CLEC14A: variants seen among roughly 807,000 people sequenced by gnomAD.
CLEC14A encodes the protein C-type lectin domain containing 14A.
For synonymous variants in CLEC14A, 349 were observed against 292.0 expected (o/e 1.20, Z -1.99); for missense variants, 682 against 659.9 (o/e 1.03, Z -0.37).
Position 38,255,738 on chromosome 14 carries a change from T to C in CLEC14A, c.285A>G (p.Ala95=). 2 of 1,553,734 alleles carry C rather than the reference T, an allele frequency of 1.3e-6. 1 individual carries two copies. Among genetic ancestry groups the C allele is most frequent in the South Asian group, 2.3e-5 (2 of 85,500 alleles). The change falls in exon 1 of 1, where the codon GCA becomes GCG. Residue 95 remains alanine, a synonymous_variant. Coordinates refer to ENST00000342213, the MANE Select transcript of CLEC14A (RefSeq NM_175060.3). The surrounding 1 kb of genome is among the most constrained non-coding windows in gnomAD (Gnocchi z 5.1). The part of the protein sequence containing the change: ...GGSKDLLFWV[A]LERRRSHCTL... ...TGCAGTGGGAACGCCTGCGCTCCAG[T>C]GCGACCCAGAACAGCAGGTCTTTGG...
rs558964656 is a variant in CLEC14A, at chr14:38,255,326, C to A, written c.697G>T (p.Ala233Ser). Residue 233 changes from alanine to serine, a missense_variant, in exon 1 of 1, where the codon GCT becomes TCT. Transcript: ENST00000342213. The surrounding 1 kb of genome is among the most constrained non-coding windows in gnomAD (Gnocchi z 5.1). The stretch of plus-strand genomic sequence containing the variant: ...TCGCCCGAGAGTTTGTCCCAGCGAG[C>A]GCCGATTTCGTCCGCGATGCAAGTA... ...SVTCIADEIG[A>S]RWDKLSGDVL... is the part of the protein sequence containing the mutation. 2.5e-6 allele frequency: 4 copies of A among 1,613,594 alleles called. No individual in the cohort carries two copies. Among genetic ancestry groups the A allele is most frequent in the East Asian group, 2.2e-5 (1 of 44,866 alleles).
rs1348541551 is a variant in CLEC14A, at chr14:38,255,458, T to G, written c.565A>C (p.Asn189His). ...CPAPRPGAAS[N>H]LSYRAPFQLH... The stretch of plus-strand genomic sequence containing the variant: ...TGGAAGGGCGCGCGATAGCTCAAGT[T>G]AGAGGCGGCCCCGGGGCGCGGCGCA... Residue 189 changes from asparagine (N) to histidine (H), a missense_variant, in exon 1 of 1, where the codon AAC becomes CAC. Physicochemically the swap from Asn to His is moderately conservative, Grantham distance 68. Transcript: ENST00000342213. The surrounding 1 kb of genome is among the most constrained non-coding windows in gnomAD (Gnocchi z 5.1). 1 of 1,612,964 alleles carries G rather than the reference T, an allele frequency of 6.2e-7. No homozygotes were observed. Among genetic ancestry groups the G allele is most frequent in the African/African-American group, 1.3e-5 (1 of 74,882 alleles).
Position 38,254,570 on chromosome 14 carries a change from G to T in CLEC14A, c.1453C>A (p.Leu485Ile). 2 of 1,593,848 alleles carry T rather than the reference G, an allele frequency of 1.3e-6. No individual in the cohort carries two copies. The highest frequency in any genetic ancestry group is 1.7e-4 in the Middle Eastern group (1 of 5,962). Residue 485 changes from leucine to isoleucine, a missense_variant, in exon 1 of 1, where the codon CTT (leucine) becomes ATT (isoleucine). Physicochemically the swap from Leu to Ile is conservative, Grantham distance 5. Transcript: ENST00000342213. ...TTTCCCTATGCATCACTAGAGCCAAGAGGGGACTCCGCCAGCAAGGCACCC... is the reference window on the plus strand; with the variant it reads ...TTTCCCTATGCATCACTAGAGCCAATAGGGGACTCCGCCAGCAAGGCACCC... ...AEGALLAESP[L>I]GSSDA
chr14:38,254,931 G>C lies in CLEC14A; in HGVS notation c.1092C>G (p.Ala364=). The part of the protein sequence containing the change: ...TMSTLQMSLQ[A]ESKATITPSG... ...ATGGGGTGATAGTGGCCTTTGACTC[G>C]GCTTGAAGGGACATTTGAAGGGTAG... Residue 364 remains alanine (A), a synonymous_variant, in exon 1 of 1, where the codon GCC becomes GCG. Coordinates refer to ENST00000342213, the MANE Select transcript of CLEC14A (RefSeq NM_175060.3). 2.5e-6 allele frequency: 4 copies of C among 1,614,164 alleles called. No individual in the cohort carries two copies. Among genetic ancestry groups the C allele is most frequent in the Non-Finnish European group, 3.4e-6 (4 of 1,180,042 alleles).
Position 38,256,073 on chromosome 14 carries a change from C to A in CLEC14A, c.-51G>T. The A allele has an allele frequency of 6.9e-7, 1 of 1,455,242 alleles. No individual in the cohort carries two copies. Among genetic ancestry groups the A allele is most frequent in the South Asian group, 1.4e-5 (1 of 69,868 alleles). The allele number at this position is 1,455,242 out of a possible 1,614,324, so 90.1% of individuals were successfully genotyped here. A position where few individuals can be genotyped will look rare whatever the true frequency, so the allele number is the denominator to read the frequency against. On this transcript the variant is annotated 5_prime_UTR_variant, in exon 1 of 1. Transcript: ENST00000342213. ...GCTCCCAACTTGGATCTGTCCCGCTCGAGGACGCAGAGCTGTGTCTGGAGC... is the reference window on the plus strand; with the variant it reads ...GCTCCCAACTTGGATCTGTCCCGCTAGAGGACGCAGAGCTGTGTCTGGAGC...
Position 38,254,446 on chromosome 14 carries a change from G to T in CLEC14A, c.*104C>A. ...GAGTAAAGGGAATTTAGAGGAAGGG[G>T]GATTTCTGCAGAAATTGTCAGTTAC... is the stretch of plus-strand genomic sequence containing the variant. On this transcript the variant is annotated 3_prime_UTR_variant, in exon 1 of 1. Coordinates refer to ENST00000342213, the MANE Select transcript of CLEC14A (RefSeq NM_175060.3). The T allele has an allele frequency of 9.0e-7, 1 of 1,111,868 alleles. No homozygotes were observed. Among genetic ancestry groups the T allele is most frequent in the Non-Finnish European group, 1.3e-6 (1 of 776,714 alleles). 68.9% of individuals were successfully genotyped at this position (1,111,868 alleles called of 1,614,324 possible).
chr14:38,254,749 A>C lies in CLEC14A; in HGVS notation c.1274T>G (p.Phe425Cys), dbSNP rs1884006232. The C allele has an allele frequency of 3.1e-6, 5 of 1,613,996 alleles. No individual in the cohort carries two copies. In the African/African-American group the frequency reaches 4.0e-5, roughly 13 times the overall value. The change falls in exon 1 of 1, where the codon TTT (phenylalanine) becomes TGT (cysteine). Residue 425 changes from phenylalanine (F) to cysteine (C), a missense_variant. Physicochemically the swap from Phe to Cys is radical, Grantham distance 205. Coordinates refer to ENST00000342213, the MANE Select transcript of CLEC14A (RefSeq NM_175060.3). ...TGGCTGGGAAGAGGGGCTTTCGTGA[A>C]AGCAGAGCTTGACAAGCCCCAGTAC... Reference protein sequence around the residue: ...MTVLGLVKLCFHESPSSQPRK... With the variant: ...MTVLGLVKLCCHESPSSQPRK...
chr14:38,255,132 C>T lies in CLEC14A; in HGVS notation c.891G>A (p.Gly297=), dbSNP rs199846060. ...VTSGEGQPTL[G]GTGVPTRRPP... is the part of the protein sequence containing the mutation. ...GGCGCCTGGTGGGCACCCCGGTCCC[C>T]CCAAGGGTCGGCTGTCCTTCCCCAC... Residue 297 remains glycine, a synonymous_variant, in exon 1 of 1, where the codon GGG becomes GGA. Coordinates refer to ENST00000342213, the MANE Select transcript of CLEC14A (RefSeq NM_175060.3). The surrounding 1 kb of genome is among the most constrained non-coding windows in gnomAD (Gnocchi z 5.1). The T allele has an allele frequency of 2.9e-5, 46 of 1,613,058 alleles. No homozygotes were observed. The Middle Eastern group carries it at 6.6e-4, about 23-fold the overall frequency.
Position 38,255,317 on chromosome 14 carries a change from C to A in CLEC14A, c.706G>T (p.Asp236Tyr), listed in dbSNP as rs376906472. 6.2e-7 allele frequency: 1 copy of A among 1,613,518 alleles called. No homozygotes were observed. Among genetic ancestry groups the A allele is most frequent in the African/African-American group, 1.3e-5 (1 of 74,932 alleles). Reference protein sequence around the residue: ...CIADEIGARWDKLSGDVLCPC... With the variant: ...CIADEIGARWYKLSGDVLCPC... The stretch of plus-strand genomic sequence containing the variant: ...CACAACACATCGCCCGAGAGTTTGT[C>A]CCAGCGAGCGCCGATTTCGTCCGCG... Residue 236 changes from aspartate to tyrosine, a missense_variant, in exon 1 of 1, where the codon GAC becomes TAC. Transcript: ENST00000342213. This position sits in a 1 kb window ranked among gnomAD's most constrained non-coding sequence, Gnocchi z 5.1.
Position 38,255,874 on chromosome 14 carries a change from G to C in CLEC14A, c.149C>G (p.Ala50Gly), listed in dbSNP as rs1406399983. 6.4e-7 allele frequency: 1 copy of C among 1,556,582 alleles called. No homozygotes were observed. Among genetic ancestry groups the C allele is most frequent in the South Asian group, 1.2e-5 (1 of 85,562 alleles). The change falls in exon 1 of 1, where the codon GCC (alanine) becomes GGC (glycine). Residue 50 changes from alanine (A) to glycine (G), a missense_variant. By Grantham distance (60) the Ala-to-Gly change is moderately conservative. Transcript: ENST00000342213. This position sits in a 1 kb window ranked among gnomAD's most constrained non-coding sequence, Gnocchi z 5.1. ...ACCTCGCAGGATGCAGGCCTCCTCG[G>C]CCGCCTGCCGCTTCATGGTAGCGTG... is the stretch of plus-strand genomic sequence containing the variant. ...LHHATMKRQA[A>G]EEACILRGGA...
At position 38,255,716 on chromosome 14, in the gene CLEC14A, A is replaced by C. The variant is rs1884041718; in HGVS notation, c.307T>G (p.Cys103Gly). 5.7e-6 allele frequency: 9 copies of C among 1,566,702 alleles called. No individual in the cohort carries two copies. The East Asian group carries it at 1.9e-4, about 33-fold the overall frequency. ...WVALERRRSHCTLENEPLRGF... is the reference protein window; with the variant it reads ...WVALERRRSHGTLENEPLRGF... Reference sequence around the variant, plus strand: ...CGCAAAGGCTCGTTCTCCAGGGTGCAGTGGGAACGCCTGCGCTCCAGTGCG... The same window carrying C: ...CGCAAAGGCTCGTTCTCCAGGGTGCCGTGGGAACGCCTGCGCTCCAGTGCG... Residue 103 changes from cysteine (C) to glycine (G), a missense_variant, in exon 1 of 1, where the codon TGC (cysteine) becomes GGC (glycine). Transcript: ENST00000342213. The surrounding 1 kb of genome is among the most constrained non-coding windows in gnomAD (Gnocchi z 5.1).
At position 38,255,098 on chromosome 14, in the gene CLEC14A, T is replaced by C. The variant is rs139405012; in HGVS notation, c.925A>G (p.Thr309Ala). 2.6e-5 allele frequency: 42 copies of C among 1,612,334 alleles called. No homozygotes were observed. The highest frequency in any genetic ancestry group is 9.4e-5 in the African/African-American group (7 of 74,862). ...CTCTGCGGCACGGGGCTGGTTGCAG[T>C]GGCCGGCGGGCGCCTGGTGGGCACC... is the stretch of plus-strand genomic sequence containing the variant. ...TGVPTRRPPA[T>A]ATSPVPQRTW... The change falls in exon 1 of 1, where the codon ACT becomes GCT. Residue 309 changes from threonine to alanine, a missense_variant. Physicochemically the swap from Thr to Ala is moderately conservative, Grantham distance 58. Transcript: ENST00000342213. The surrounding 1 kb of genome is among the most constrained non-coding windows in gnomAD (Gnocchi z 5.1).
In CLEC14A at chr14:38,255,765, GC is replaced by G; in HGVS notation, c.257del (p.Gly86AlafsTer105). 6.5e-7 allele frequency: 1 copy of G among 1,546,590 alleles called. No individual in the cohort carries two copies. ...LLRAGPGPGG[G>X]SKDLLFWVAL... ...CGACCCAGAACAGCAGGTCTTTGGA[GC>G]CCCCTCCGGGCCCTGGGCCTGCCCG... On this transcript the variant is annotated frameshift_variant, in exon 1 of 1. Coordinates refer to ENST00000342213, the MANE Select transcript of CLEC14A (RefSeq NM_175060.3). LOFTEE classifies it low-confidence loss of function (END_TRUNC). The surrounding 1 kb of genome is among the most constrained non-coding windows in gnomAD (Gnocchi z 5.1).
In CLEC14A at chr14:38,254,763, A is replaced by G. The variant is rs770417486; in HGVS notation, c.1260T>C (p.Leu420=). The G allele has an allele frequency of 4.3e-6, 7 of 1,614,060 alleles. No individual in the cohort carries two copies. The African/African-American group carries it at 8.0e-5, about 18-fold the overall frequency. ...LVILTMTVLG[L]VKLCFHESPS... The stretch of plus-strand genomic sequence containing the variant: ...GGCTTTCGTGAAAGCAGAGCTTGAC[A>G]AGCCCCAGTACTGTCATGGTCAAGA... The change falls in exon 1 of 1, where the codon CTT becomes CTC. Residue 420 remains leucine, a synonymous_variant. Transcript: ENST00000342213.
At position 38,254,664 on chromosome 14, in the gene CLEC14A, G is replaced by A. The variant is rs150923168; in HGVS notation, c.1359C>T (p.Gly453=). 1.6e-4 allele frequency: 266 copies of A among 1,614,176 alleles called. 1 individual carries two copies. The African/African-American group carries it at 1.9e-3, about 11-fold the overall frequency. The change falls in exon 1 of 1, where the codon GGC becomes GGT. Residue 453 remains glycine (G), a synonymous_variant. Transcript: ENST00000342213. ...TGTTTGTGCAATGTGCAGAACTGGA[G>A]CCCAAAGCAGCGGGCTCAGGATCAC... ...LESDPEPAAL[G]SSSAHCTNNG... is the part of the protein sequence containing the mutation.
In CLEC14A at chr14:38,254,527, G is replaced by A. The variant is rs201047214; in HGVS notation, c.*23C>T. The A allele has an allele frequency of 5.3e-6, 8 of 1,522,842 alleles. No homozygotes were observed. Among genetic ancestry groups the A allele is most frequent in the Non-Finnish European group, 7.0e-6 (8 of 1,135,446 alleles). 94.3% of individuals were successfully genotyped at this position (1,522,842 alleles called of 1,614,324 possible). On this transcript the variant is annotated 3_prime_UTR_variant, in exon 1 of 1. Coordinates refer to ENST00000342213, the MANE Select transcript of CLEC14A (RefSeq NM_175060.3). ...ATCAAAAGTGAAAAACTGTTCACAG[G>A]AGTGCCCATGTCCCCTGTTTCCCTA...
At position 38,255,466 on chromosome 14, in the gene CLEC14A, G is replaced by T; in HGVS notation, c.557C>A (p.Ala186Asp). 6.2e-7 allele frequency: 1 copy of T among 1,613,124 alleles called. No individual in the cohort carries two copies. Among genetic ancestry groups the T allele is most frequent in the South Asian group, 1.1e-5 (1 of 91,074 alleles). ...EVLCPAPRPGAASNLSYRAPF... is the reference protein window; with the variant it reads ...EVLCPAPRPGDASNLSYRAPF... ...CGCGCGATAGCTCAAGTTAGAGGCG[G>T]CCCCGGGGCGCGGCGCAGGACACAA... Residue 186 changes from alanine to aspartate, a missense_variant, in exon 1 of 1, where the codon GCC (alanine) becomes GAC (aspartate). Ala to Asp is a moderately radical substitution (Grantham distance 126, BLOSUM62 -2). Coordinates refer to ENST00000342213, the MANE Select transcript of CLEC14A (RefSeq NM_175060.3). The surrounding 1 kb of genome is among the most constrained non-coding windows in gnomAD (Gnocchi z 5.1).
At position 38,255,398 on chromosome 14, in the gene CLEC14A, C is replaced by T; in HGVS notation, c.625G>A (p.Gly209Arg). Residue 209 changes from glycine to arginine, a missense_variant, in exon 1 of 1, where the codon GGG (glycine) becomes AGG (arginine). Gly to Arg is a moderately radical substitution (Grantham distance 125, BLOSUM62 -2). Transcript: ENST00000342213. This position sits in a 1 kb window ranked among gnomAD's most constrained non-coding sequence, Gnocchi z 5.1. ...HSAALDFSPP[G>R]TEVSALCRGQ... ...CGGCAGAGCGCACTCACCTCGGTCC[C>T]AGGTGGACTGAAGTCCAGAGCGGCG... The T allele has an allele frequency of 1.2e-6, 2 of 1,613,432 alleles. No individual in the cohort carries two copies. Among genetic ancestry groups the T allele is most frequent in the Non-Finnish European group, 1.7e-6 (2 of 1,180,036 alleles).
rs1007348317 is a variant in CLEC14A at position 38,255,391 on chromosome 14, T to G, written c.632A>C (p.Glu211Ala). The G allele has an allele frequency of 1.1e-5, 18 of 1,613,292 alleles. No individual in the cohort carries two copies. The Admixed American group carries it at 3.0e-4, about 27-fold the overall frequency. Reference sequence around the variant, plus strand: ...CTGTCCCCGGCAGAGCGCACTCACCTCGGTCCCAGGTGGACTGAAGTCCAG... The same window carrying G: ...CTGTCCCCGGCAGAGCGCACTCACCGCGGTCCCAGGTGGACTGAAGTCCAG... ...AALDFSPPGT[E>A]VSALCRGQLP... is the part of the protein sequence containing the mutation. Residue 211 changes from glutamate (E) to alanine (A), a missense_variant, in exon 1 of 1, where the codon GAG becomes GCG. Transcript: ENST00000342213. This position sits in a 1 kb window ranked among gnomAD's most constrained non-coding sequence, Gnocchi z 5.1.
Sources: gnomAD v4.1 joint callset for allele counts on GRCh38, gnomAD v4.1.1 for gene constraint, Gnocchi (gnomAD v3.1) non-coding constraint, MANE v1.5 for transcripts, NCBI Gene and HGNC (gene_info 2026-07-23, HGNC 2026-07-21) for gene names.